Variants in WWOX observed in about 807,000 individuals in gnomAD.
The protein encoded by WWOX is WW domain containing oxidoreductase.
Under a neutral mutation model 46.2 loss-of-function variants are expected in WWOX, and 69 were observed. That is an observed-to-expected ratio of 1.49 (90% CI 1.23 to 1.82). WWOX has a LOEUF of 1.82. Among genes scored for constraint, WWOX ranks in the 40% most tolerant of loss-of-function variants. The pLI, the probability that WWOX is intolerant of heterozygous loss-of-function variation, is 0.00. For missense variants in WWOX, 919 were observed against 542.6 expected, an observed-to-expected ratio of 1.69 and a Z score of -6.89; for synonymous variants, 359 against 202.6, an observed-to-expected ratio of 1.77 and a Z score of -6.56.
chr16:78,370,473 G>T (rs139109256), intron 5 of WWOX, among the ~76,000 whole-genome samples: 1 of 143,152 alleles, frequency 7.0e-6, no homozygotes, highest in African/African-American at 2.6e-5. Context: ...TATGAGAGAC[G>T]TATGCTGGGG....
At chr16:78,934,590 G>A (rs1249731683) in intron 8 of WWOX, among the ~76,000 whole-genome samples, 2 of 149,888 alleles carry the variant, frequency 1.3e-5, no homozygotes, top group African/African-American at 2.4e-5. Flanking sequence ...GCTAGCATCT[G>A]TTTTTACCCT....
intron 8 of WWOX, among the ~76,000 whole-genome samples, chr16:78,490,531 G>T (rs2084756057): frequency 6.6e-6 from 1 of 152,146 alleles, no homozygotes; most frequent in South Asian, 2.1e-4. Context: ...TTTCAATGCT[G>T]GGCTAGTTTC....
At chr16:78,363,824 G>A (rs762372231) in intron 5 of WWOX, among the ~76,000 whole-genome samples, 1 of 152,150 alleles carries the variant, frequency 6.6e-6, no homozygotes, top group African/African-American at 2.4e-5. Flanking sequence ...GGATGAGGTT[G>A]GAGAGCAGGA....
chr16:78,205,928 T>A (rs558609601), intron 5 of WWOX, among the ~76,000 whole-genome samples: 2 of 151,318 alleles, frequency 1.3e-5, no homozygotes, highest in East Asian at 3.9e-4. Context: ...TTTCCTTCCT[T>A]CTCTTTCTTT....
intron 8 of WWOX, among the ~76,000 whole-genome samples, chr16:79,015,168 G>T (rs1290545190): frequency 2.0e-5 from 3 of 152,172 alleles, no homozygotes; most frequent in African/African-American, 4.8e-5. Flanking sequence ...CTGAGTTTCT[G>T]CAGTGTTCTA....
At chr16:78,903,797 T>TGC (rs1240229007) in intron 8 of WWOX, among the ~76,000 whole-genome samples, 1 of 152,220 alleles carries the variant, frequency 6.6e-6, no homozygotes, top group Non-Finnish European at 1.5e-5. Context: ...AGCTCAATCA[T>TGC]GCTGAGAGTC....
chr16:78,875,622 C>T (rs146554715), intron 8 of WWOX, among the ~76,000 whole-genome samples: 156 of 152,196 alleles, frequency 1.0e-3, no homozygotes, highest in Non-Finnish European at 1.6e-3. Flanking sequence ...GTCAGAATCC[C>T]GGTACATTTC....
At chr16:79,089,232 A>G (rs1259176014) in intron 8 of WWOX, among the ~76,000 whole-genome samples, 2 of 152,114 alleles carry the variant, frequency 1.3e-5, no homozygotes, top group Admixed American at 6.5e-5. Context: ...TGGAGACATT[A>G]GTCATCTCAC....
At position 78,856,294 on chromosome 16, in the gene WWOX, G is replaced by A. The variant is rs532183750; in HGVS notation, c.1057-355314G>A. ...TTGTTTGTAGGCAAGTAGGGGCACCGAAAGCTTTAAAGCAGGGAGTAACAG... is the reference window on the plus strand; with the variant it reads ...TTGTTTGTAGGCAAGTAGGGGCACCAAAAGCTTTAAAGCAGGGAGTAACAG... On this transcript the variant is annotated intron_variant, in intron 8 of 8. Transcript: ENST00000566780. Among the ~76,000 whole-genome samples, 126 of 152,302 alleles carry A rather than the reference G, an allele frequency of 8.3e-4. 1 individual carries two copies. The highest frequency in any genetic ancestry group is 2.9e-3 in the African/African-American group (122 of 41,570).
intron 8 of WWOX, among the ~76,000 whole-genome samples, chr16:79,026,075 A>G (rs1243645039): frequency 6.6e-6 from 1 of 151,612 alleles, no homozygotes; most frequent in Non-Finnish European, 1.5e-5. Context: ...TGCTGGGATT[A>G]CAGGCATGAG....
chr16:78,158,299 G>T (rs993469950), intron 4 of WWOX, among the ~76,000 whole-genome samples: 3 of 152,166 alleles, frequency 2.0e-5, no homozygotes, highest in African/African-American at 2.4e-5. Flanking sequence ...TTTGACATGG[G>T]TTTGGCTGAA....
rs184354036 is a variant in WWOX, at chr16:79,017,271, A to G, written c.1057-194337A>G. 750 of 150,236 alleles carry G rather than the reference A, an allele frequency of 5.0e-3. 3 individuals are homozygous for G. Among genetic ancestry groups the G allele is most frequent in the Non-Finnish European group, 8.0e-3 (539 of 67,054 alleles). The allele number at this position is 150,236 out of a possible 1,614,324, so 9.3% of individuals were successfully genotyped here. A position where few individuals can be genotyped will look rare whatever the true frequency, so the allele number is the denominator to read the frequency against. Reference sequence around the variant, plus strand: ...CAGTGAAACCCCATATCTCCTAAAAATACAAAAAATTAGCCAGGCATGGTG... The same window carrying G: ...CAGTGAAACCCCATATCTCCTAAAAGTACAAAAAATTAGCCAGGCATGGTG... On this transcript the variant is annotated intron_variant, in intron 8 of 8. Transcript: ENST00000566780.
At chr16:79,011,612 C>T (rs1270419153) in intron 8 of WWOX, among the ~76,000 whole-genome samples, 2 of 151,590 alleles carry the variant, frequency 1.3e-5, no homozygotes, top group East Asian at 3.9e-4. Context: ...CCCACTTCAG[C>T]CTCCCAAGTA....
rs566120714 is a variant in WWOX at position 78,610,091 on chromosome 16, G to A, written c.1056+177339G>A. ...ACTGCTGCTTCAGCAAGGTTTCTTT[G>A]CTGGTCTGTGGCAAGGTCCCTGCTT... is the stretch of plus-strand genomic sequence containing the variant. On this transcript the variant is annotated intron_variant, in intron 8 of 8. Transcript: ENST00000566780. 2.0e-4 allele frequency among the ~76,000 whole-genome samples: 30 copies of A among 151,568 alleles called. No individual in the cohort carries two copies. The South Asian group carries it at 4.8e-3, about 24-fold the overall frequency.
chr16:78,830,211 G>A (rs533032507), intron 8 of WWOX, among the ~76,000 whole-genome samples: 1 of 152,158 alleles, frequency 6.6e-6, no homozygotes, highest in Non-Finnish European at 1.5e-5. Context: ...AAGGAAAGAA[G>A]CAGTGTTAAC....
chr16:78,547,089 C>G (rs1004021997), intron 8 of WWOX, among the ~76,000 whole-genome samples: 1 of 139,188 alleles, frequency 7.2e-6, no homozygotes, highest in Non-Finnish European at 1.5e-5. Context: ...GATCATGCCA[C>G]TGCACTCCAG....
chr16:78,832,931 A>C (rs973178799), intron 8 of WWOX, among the ~76,000 whole-genome samples: 1 of 152,062 alleles, frequency 6.6e-6, no homozygotes, highest in Non-Finnish European at 1.5e-5. Flanking sequence ...ACTTTCTTTA[A>C]AGGATTTCTG....
chr16:79,047,431 G>A (rs1009783985), intron 8 of WWOX, among the ~76,000 whole-genome samples: 18 of 152,150 alleles, frequency 1.2e-4, no homozygotes, highest in South Asian at 2.1e-4. Context: ...TTGATTGATC[G>A]ACTGAGGAAT....
chr16:78,555,123 T>C (rs2044262826), intron 8 of WWOX, among the ~76,000 whole-genome samples: 1 of 149,150 alleles, frequency 6.7e-6, no homozygotes, highest in South Asian at 2.1e-4. Flanking sequence ...TCTCTCTTTC[T>C]CTCTGTCTTT....
Sources: allele counts gnomAD v4.1 joint callset (sites outside exome capture counted in the v4.1 genomes callset), GRCh38; gene constraint gnomAD v4.1.1; transcripts MANE v1.5; gene names NCBI Gene and HGNC (gene_info 2026-07-23, HGNC 2026-07-21).